The following CELF5 variants were observed in gnomAD, a reference collection of about 807,000 sequenced individuals.
CELF5 encodes CUGBP Elav-like family member 5.
CELF5 carries 6 observed loss-of-function variants against 54.9 expected under a neutral mutation model. That is an observed-to-expected ratio of 0.11 (90% confidence interval 0.06 to 0.22). The LOEUF (loss-of-function observed/expected upper bound fraction) is 0.22, where lower values mean the gene tolerates loss of function less well. Among genes scored for constraint, CELF5 ranks in the 10% least tolerant of loss-of-function variants. The pLI is 1.00. For synonymous variants in CELF5, 271 were observed against 290.9 expected (o/e 0.93, Z 0.70); for missense variants, 401 against 678.6 (o/e 0.59, Z 4.54).
At chr19:3,258,109 C>T (rs1199456577) in intron 2 of CELF5, among the ~76,000 whole-genome samples, 3 of 151,916 alleles carry the variant, frequency 2.0e-5, no homozygotes, top group Non-Finnish European at 4.4e-5. Context: ...AGGTGCCTGC[C>T]ACCAAGCCAG....
chr19:3,235,789 A>ATGG (rs1917568133), intron 1 of CELF5, among the ~76,000 whole-genome samples: 1 of 50,684 alleles, frequency 2.0e-5, no homozygotes. Flanking sequence ...TGGATGGATG[A>ATGG]ATGGATGGAT....
At position 3,278,010 on chromosome 19, in the gene CELF5, C is replaced by A; in HGVS notation, c.524-21C>A. The stretch of plus-strand genomic sequence containing the variant: ...CCTGTGACCCCATCACCCTCTACCT[C>A]TTCTTCTTCTCTTGGAGCAGGCTGT... On this transcript the variant is annotated intron_variant, in intron 4 of 12. Coordinates refer to ENST00000292672, the MANE Select transcript of CELF5 (RefSeq NM_021938.4). The surrounding 1 kb of genome is among the most constrained non-coding windows in gnomAD (Gnocchi z 4.5). 6.2e-7 allele frequency: 1 copy of A among 1,607,434 alleles called. No individual in the cohort carries two copies. Among genetic ancestry groups the A allele is most frequent in the African/African-American group, 1.3e-5 (1 of 74,884 alleles).
Position 3,293,496 on chromosome 19 carries a change from C to T in CELF5, c.*40+10C>T. 1 of 1,596,812 alleles carries T rather than the reference C, an allele frequency of 6.3e-7. No individual in the cohort carries two copies. The highest frequency in any genetic ancestry group is 1.1e-5 in the South Asian group (1 of 89,784). On this transcript the variant is annotated intron_variant, in intron 12 of 12. Coordinates refer to ENST00000292672, the MANE Select transcript of CELF5 (RefSeq NM_021938.4). ...TGTAGGCATGGCCCAGGTGAGCCGC[C>T]AGGCGGCCCCACCCCCGCCCAAGCC...
chr19:3,241,505 TCCAGG>T (rs2079490543), intron 1 of CELF5, among the ~76,000 whole-genome samples: 1 of 151,708 alleles, frequency 6.6e-6, no homozygotes, highest in Non-Finnish European at 1.5e-5. Context: ...CCCAAGGCTC[TCCAGG>T]TGTGCAGCAA....
intron 9 of CELF5, among the ~76,000 whole-genome samples, chr19:3,285,196 C>T (rs751027947): frequency 3.3e-5 from 5 of 152,078 alleles, no homozygotes; most frequent in Non-Finnish European, 7.4e-5. Flanking sequence ...TTCCCTTGTC[C>T]TTTAAGGACA....
At chr19:3,276,231 G>C (rs2080049492) in intron 4 of CELF5, among the ~76,000 whole-genome samples, 1 of 119,908 alleles carries the variant, frequency 8.3e-6, no homozygotes, top group Non-Finnish European at 1.8e-5. Context: ...GGGAGGAGCT[G>C]CCTCTGAGGG....
intron 1 of CELF5, among the ~76,000 whole-genome samples, chr19:3,235,900 G>A (rs112984704): frequency 2.6e-5 from 4 of 152,250 alleles, no homozygotes; most frequent in African/African-American, 9.6e-5. Context: ...TGGACAAGTG[G>A]ATGGGTGGAC....
intron 5 of CELF5, among the ~76,000 whole-genome samples, chr19:3,279,488 C>T (rs2080112154): frequency 6.6e-6 from 1 of 152,106 alleles, no homozygotes; most frequent in Admixed American, 6.6e-5. Context: ...TCAGAGATGT[C>T]CCAGGACAGG....
At chr19:3,257,307 C>T (rs183083717) in intron 2 of CELF5, among the ~76,000 whole-genome samples, 20 of 151,604 alleles carry the variant, frequency 1.3e-4, no homozygotes, top group Admixed American at 9.2e-4. Flanking sequence ...GAGTGAGTGA[C>T]GGGGAGTGAG....
At chr19:3,290,450 G>T (rs964242827) in intron 11 of CELF5, 76 bp downstream of exon 11, 378 of 1,547,558 alleles carry the variant, frequency 2.4e-4, no homozygotes, top group Non-Finnish European at 3.2e-4. Flanking sequence ...GAGGGTTTTG[G>T]TCGGCCTCGG....
chr19:3,250,880 G>GTCGGCGTATC, intron 1 of CELF5, 105 bp from the exon 2 acceptor site: 1 of 717,676 alleles, frequency 1.4e-6, no homozygotes, highest in South Asian at 1.7e-5. Context: ...TGCATCTGTG[G>GTCGGCGTATC]ATGGAAGCTT....
chr19:3,259,768 G>C (rs1280343568), intron 2 of CELF5, among the ~76,000 whole-genome samples: 1 of 151,602 alleles, frequency 6.6e-6, no homozygotes, highest in Non-Finnish European at 1.5e-5. Flanking sequence ...ATTTACGGTT[G>C]TCACGACGTG....
Position 3,256,272 on chromosome 19 carries a change from G to A in CELF5, c.342+5205G>A, listed in dbSNP as rs1003351968. On this transcript the variant is annotated intron_variant, in intron 2 of 12. Transcript: ENST00000292672. ...CTTACTTTCAAGGTAACAGCTGGCC[G>A]TCTCCTCCTTCTGCTCATCCCTGAC... 3.3e-5 allele frequency among the ~76,000 whole-genome samples: 5 copies of A among 152,076 alleles called. No homozygotes were observed. In the South Asian group the frequency reaches 8.3e-4, roughly 25 times the overall value.
Position 3,272,558 on chromosome 19 carries a change from T to C in CELF5, c.343-1314T>C, listed in dbSNP as rs1474102912. Among the ~76,000 whole-genome samples the C allele has an allele frequency of 3.9e-5, 6 of 152,310 alleles. No individual in the cohort carries two copies. The East Asian group carries it at 9.7e-4, about 25-fold the overall frequency. On this transcript the variant is annotated intron_variant, in intron 2 of 12. Coordinates refer to ENST00000292672, the MANE Select transcript of CELF5 (RefSeq NM_021938.4). ...GGTCTGAGAGTAGCACTCATTCCCA[T>C]TCCAGACGCCTTTCTGTGTTGGTGG...
intron 1 of CELF5, among the ~76,000 whole-genome samples, chr19:3,244,126 A>G (rs2079528038): frequency 6.6e-6 from 1 of 152,034 alleles, no homozygotes; most frequent in Admixed American, 6.6e-5. Flanking sequence ...TTCACCAGCT[A>G]GAAACGACAA....
intron 4 of CELF5, 146 bp from the exon 5 acceptor site, chr19:3,277,885 C>T: frequency 3.1e-6 from 2 of 641,992 alleles, no homozygotes; most frequent in Non-Finnish European, 2.8e-6. Context: ...GAGCAAACGG[C>T]TGGCTGTCTT....
chr19:3,235,794 ATGGATGGATGGATGGATGGATGTG>A (rs1917569498), intron 1 of CELF5, among the ~76,000 whole-genome samples: 1 of 138,482 alleles, frequency 7.2e-6, no homozygotes, highest in Non-Finnish European at 1.6e-5. Context: ...GGATGAATGG[ATGGATGGATGGATGGATGGATGTG>A]TGGATGGATG....
intron 11 of CELF5, among the ~76,000 whole-genome samples, chr19:3,291,088 C>A (rs544594233): frequency 6.7e-6 from 1 of 149,270 alleles, no homozygotes; most frequent in African/African-American, 2.4e-5. Context: ...TAGCAAGACC[C>A]CATTTCTACA....
chr19:3,248,936 C>CTT (rs1357481091), intron 1 of CELF5, among the ~76,000 whole-genome samples: 2 of 121,574 alleles, frequency 1.6e-5, no homozygotes, highest in Non-Finnish European at 3.4e-5. Flanking sequence ...CTTTTCTTTT[C>CTT]TTTTCTTTTC....
Sources: allele counts gnomAD v4.1 joint callset (sites outside exome capture counted in the v4.1 genomes callset), GRCh38; gene constraint gnomAD v4.1.1; non-coding constraint Gnocchi (gnomAD v3.1); transcripts MANE v1.5; gene names NCBI Gene and HGNC (gene_info 2026-07-23, HGNC 2026-07-21).